The following ACSM2A variants were observed in gnomAD, a reference collection of about 807,000 sequenced individuals.
ACSM2A encodes acyl-coenzyme A synthetase ACSM2A, mitochondrial.
A neutral mutation model predicts 76.6 loss-of-function variants in ACSM2A; 72 were observed. The ratio of observed to expected loss-of-function variants is 0.94; its 90% CI spans 0.78 to 1.14. The LOEUF is 1.14. ACSM2A is among the 50% of genes most tolerant of loss of function. The pLI is 0.00. For missense variants in ACSM2A, 684 were observed against 708.5 expected, an observed-to-expected ratio of 0.97 and a Z score of 0.39; for synonymous variants, 249 against 255.9, an observed-to-expected ratio of 0.97 and a Z score of 0.26.
At chr16:20,453,287 G>T (rs2011902266) in intron 1 of ACSM2A, 1 of 151,746 alleles carries the variant, frequency 6.6e-6, no homozygotes, top group African/African-American at 2.4e-5. Flanking sequence ...AGCTGAGGCA[G>T]AAGAACATAA....
At chr16:20,469,163 T>C (rs923905823) in intron 3 of ACSM2A, among the ~76,000 whole-genome samples, 6 of 152,128 alleles carry the variant, frequency 3.9e-5, no homozygotes, top group Admixed American at 3.3e-4. Context: ...GATTCTTTAA[T>C]TATCATATGA....
chr16:20,464,358 T>G (rs1171071530), intron 2 of ACSM2A, among the ~76,000 whole-genome samples: 1 of 152,200 alleles, frequency 6.6e-6, no homozygotes, highest in East Asian at 1.9e-4. Context: ...TACCTGAGAC[T>G]AGGTAACTTA....
intron 6 of ACSM2A, among the ~76,000 whole-genome samples, chr16:20,472,597 A>G (rs977612908): frequency 5.9e-5 from 9 of 152,042 alleles, no homozygotes; most frequent in African/African-American, 1.9e-4. Flanking sequence ...GACATGAAAC[A>G]TTCCCACCAC....
At position 20,451,641 on chromosome 16, in the gene ACSM2A, C is replaced by T. The variant is rs111977380; in HGVS notation, c.-49C>T. On this transcript the variant is annotated 5_prime_UTR_variant, in exon 1 of 14. The change creates a new upstream start codon in the 5' untranslated region. Transcript: ENST00000573854. ...GCTGCTGGCTGGAGAGGAGGGTGGA[C>T]GAAGCTCTCTCTAGAAAGACATCCT... 0.026 allele frequency: 3,951 copies of T among 152,452 alleles called. 59 individuals are homozygous for T. Among genetic ancestry groups the T allele is most frequent in the Non-Finnish European group, 0.036 (2,446 of 68,458 alleles). 9.4% of individuals were successfully genotyped at this position (152,452 alleles called of 1,614,324 possible).
chr16:20,471,645 T>A lies in ACSM2A; in HGVS notation c.850T>A (p.Phe284Ile), dbSNP rs1251649554. 17 of 1,614,008 alleles carry A rather than the reference T, an allele frequency of 1.1e-5. No individual in the cohort carries two copies. Among genetic ancestry groups the A allele is most frequent in the Non-Finnish European group, 1.4e-5 (16 of 1,179,892 alleles). The change falls in exon 6 of 14, where the codon TTT (phenylalanine) becomes ATT (isoleucine). Residue 284 changes from phenylalanine (F) to isoleucine (I), a missense_variant. Physicochemically the swap from Phe to Ile is conservative, Grantham distance 21. Transcript: ENST00000573854. ...ACCTTGGGCATTAGGAGCATGCACATTTGTTCATCTCTTGCCAAAGTTTGA... is the reference window on the plus strand; with the variant it reads ...ACCTTGGGCATTAGGAGCATGCACAATTGTTCATCTCTTGCCAAAGTTTGA... Reference protein sequence around the residue: ...MEPWALGACTFVHLLPKFDPL... With the variant: ...MEPWALGACTIVHLLPKFDPL...
chr16:20,460,120 T>C lies in ACSM2A; in HGVS notation c.6T>C (p.His2=), dbSNP rs139467011. ...TTTCTTTTACAGGCCTGAATATGCA[T>C]TGGCTGCGAAAAGTTCAGGGACTTT... M[H]WLRKVQGLCT... is the part of the protein sequence containing the mutation. Residue 2 remains histidine, a synonymous_variant, in exon 2 of 14, where the codon CAT becomes CAC. Transcript: ENST00000573854. 1.7e-3 allele frequency: 2,703 copies of C among 1,611,020 alleles called. 7 individuals carry two copies. The highest frequency in any genetic ancestry group is 2.1e-3 in the Admixed American group (124 of 59,802).
chr16:20,471,481 C>G (rs572095167), intron 5 of ACSM2A, 55 bp from the exon 6 acceptor site: 1 of 1,562,508 alleles, frequency 6.4e-7, no homozygotes, highest in African/African-American at 1.4e-5. Context: ...TAGTGTCCCA[C>G]GCATCCTAAG....
At chr16:20,465,190 C>G (rs993966322) in intron 2 of ACSM2A, among the ~76,000 whole-genome samples, 1 of 152,096 alleles carries the variant, frequency 6.6e-6, no homozygotes, top group African/African-American at 2.4e-5. Context: ...AATAATGCCA[C>G]TTTCCTCATT....
At chr16:20,474,608 T>C (rs2013616371) in intron 6 of ACSM2A, among the ~76,000 whole-genome samples, 1 of 152,212 alleles carries the variant, frequency 6.6e-6, no homozygotes. Flanking sequence ...GACAATACTC[T>C]ATTACATTCT....
At chr16:20,452,704 G>C (rs1423154229) in intron 1 of ACSM2A, among the ~76,000 whole-genome samples, 10 of 149,002 alleles carry the variant, frequency 6.7e-5, no homozygotes, top group Non-Finnish European at 1.3e-4. Flanking sequence ...AGAATATTAA[G>C]GATGGAGTTC....
At chr16:20,483,014 T>C (rs7195251) in intron 12 of ACSM2A, 44 bp from the exon 13 acceptor site, 38,676 of 1,607,868 alleles carry the variant, frequency 0.024, 1,916 homozygotes, top group East Asian at 0.18. Context: ...AGGAGATGAC[T>C]ACACACTCTA....
chr16:20,483,159 A>C lies in ACSM2A; in HGVS notation c.1611A>C (p.Pro537=). The change falls in exon 13 of 14, where the codon CCA becomes CCC. Residue 537 remains proline (P), a synonymous_variant. Coordinates refer to ENST00000573854, the MANE Select transcript of ACSM2A (RefSeq NM_001308172.2). The part of the protein sequence containing the change: ...LQQHVKSVTA[P]YKYPRKIEFV... Reference sequence around the variant, plus strand: ...AGCATGTGAAGTCAGTGACAGCCCCATACAAGTACCCAAGAAAGGTAAGGC... The same window carrying C: ...AGCATGTGAAGTCAGTGACAGCCCCCTACAAGTACCCAAGAAAGGTAAGGC... 6.2e-7 allele frequency: 1 copy of C among 1,614,060 alleles called. No homozygotes were observed. The highest frequency in any genetic ancestry group is 8.5e-7 in the Non-Finnish European group (1 of 1,179,948).
chr16:20,478,649 G>C lies in ACSM2A; in HGVS notation c.1253G>C (p.Arg418Thr). The change falls in exon 10 of 14, where the codon AGG becomes ACG. Residue 418 changes from arginine to threonine, a missense_variant. This residue lies in a region of ACSM2A where 519 missense variants were observed against 549.5 expected (regional missense o/e 0.94). Transcript: ENST00000573854. The part of the protein sequence containing the change: ...GDIGIRVKPI[R>T]PIGIFSGYVD... The stretch of plus-strand genomic sequence containing the variant: ...ATTGGCATCAGGGTCAAACCCATCA[G>C]GCCTATAGGCATCTTCTCTGGCTAT... 1 of 1,613,504 alleles carries C rather than the reference G, an allele frequency of 6.2e-7. No individual in the cohort carries two copies. The highest frequency in any genetic ancestry group is 8.5e-7 in the Non-Finnish European group (1 of 1,179,600).
chr16:20,465,151 C>A (rs1346698909), intron 2 of ACSM2A, among the ~76,000 whole-genome samples: 1 of 151,994 alleles, frequency 6.6e-6, no homozygotes, highest in Admixed American at 6.6e-5. Context: ...AAGGGAATTG[C>A]AGAATAAATA....
At chr16:20,483,787 C>T (rs1207528551) in intron 13 of ACSM2A, among the ~76,000 whole-genome samples, 3 of 152,104 alleles carry the variant, frequency 2.0e-5, no homozygotes, top group East Asian at 3.9e-4. Context: ...GGTTGTGCAA[C>T]GCTCAGTTGC....
At chr16:20,475,978 C>A in intron 8 of ACSM2A, 11 of 1,280,186 alleles carry the variant, frequency 8.6e-6, no homozygotes, top group South Asian at 7.3e-5. Context: ...AGATTACATT[C>A]CAGTGAGATT....
At chr16:20,476,727 T>G (rs1220943215) in intron 8 of ACSM2A, 19 of 1,016,516 alleles carry the variant, frequency 1.9e-5, no homozygotes, top group African/African-American at 3.4e-5. Flanking sequence ...TGTGATATCT[T>G]TTGTCCAGGC....
rs759984727 is a variant in ACSM2A at position 20,471,119 on chromosome 16, G to A, written c.643G>A (p.Ala215Thr). The A allele has an allele frequency of 2.5e-6, 4 of 1,613,710 alleles. No homozygotes were observed. Among genetic ancestry groups the A allele is most frequent in the East Asian group, 4.5e-5 (2 of 44,864 alleles). Residue 215 changes from alanine (A) to threonine (T), a missense_variant, in exon 5 of 14, where the codon GCA becomes ACA. By Grantham distance (58) the Ala-to-Thr change is moderately conservative (BLOSUM62 0). Coordinates refer to ENST00000573854, the MANE Select transcript of ACSM2A (RefSeq NM_001308172.2). ...HHCVETGSQE[A>T]SAIYFTSGTS... The stretch of plus-strand genomic sequence containing the variant: ...CTGTGTGGAGACTGGAAGCCAGGAA[G>A]CATCTGCCATCTACTTCACTAGTGG...
At chr16:20,465,250 T>C (rs923351227) in intron 2 of ACSM2A, among the ~76,000 whole-genome samples, 3 of 152,306 alleles carry the variant, frequency 2.0e-5, no homozygotes, top group African/African-American at 7.2e-5. Context: ...AAATTATGCA[T>C]GCTAATATAT....
Sources: allele counts gnomAD v4.1 joint callset (sites outside exome capture counted in the v4.1 genomes callset), GRCh38; gene constraint gnomAD v4.1.1; regional missense constraint gnomAD v4.1.1; transcripts MANE v1.5; gene names NCBI Gene and HGNC (gene_info 2026-07-23, HGNC 2026-07-21).